Variants in OR51B5 observed in about 807,000 individuals in gnomAD.
OR51B5 encodes the protein olfactory receptor 51B5.
For synonymous variants in OR51B5, 186 were observed against 144.8 expected (o/e 1.28, Z -2.04); for missense variants, 456 against 374.6 (o/e 1.22, Z -1.79).
At chr11:5,403,691 CTGAGG>C (rs1348664367) in intron 1 of OR51B5, 1 of 362,996 alleles carries the variant, frequency 2.8e-6, no homozygotes, top group Non-Finnish European at 5.5e-6. Context: ...TGTCCATGAA[CTGAGG>C]TGAGGGTGCA....
At chr11:5,402,904 C>A in intron 1 of OR51B5, 1 of 471,282 alleles carries the variant, frequency 2.1e-6, no homozygotes, top group Middle Eastern at 3.2e-4. Flanking sequence ...TGTCTTTTTC[C>A]AGATGTTCTC....
intron 1 of OR51B5, among the ~76,000 whole-genome samples, chr11:5,397,306 C>A (rs1304451815): frequency 6.6e-6 from 1 of 152,156 alleles, no homozygotes; most frequent in Non-Finnish European, 1.5e-5. Context: ...ATCTACTCAT[C>A]TGACAAAGGG....
chr11:5,475,701 C>G (rs759457134), intron 1 of OR51B5, among the ~76,000 whole-genome samples: 10 of 152,260 alleles, frequency 6.6e-5, no homozygotes, highest in Non-Finnish European at 1.5e-4. Flanking sequence ...TTCCATGAAA[C>G]ATGACCATCT....
chr11:5,366,362 T>C (rs1849367595), intron 1 of OR51B5, among the ~76,000 whole-genome samples: 1 of 152,008 alleles, frequency 6.6e-6, no homozygotes, highest in Non-Finnish European at 1.5e-5. Flanking sequence ...ATCCCAGCAC[T>C]TTGGGTGGCT....
intron 1 of OR51B5, among the ~76,000 whole-genome samples, chr11:5,438,315 TGAA>T (rs150558346): frequency 6.7e-6 from 1 of 149,506 alleles, no homozygotes; most frequent in African/African-American, 2.5e-5. Context: ...TTCCTTATAA[TGAA>T]GAAGTTGGAG....
At chr11:5,487,532 A>G (rs1193023615) in intron 1 of OR51B5, among the ~76,000 whole-genome samples, 3 of 152,232 alleles carry the variant, frequency 2.0e-5, no homozygotes, top group African/African-American at 7.2e-5. Context: ...ATTTGTTCAA[A>G]GTCACAAATC....
chr11:5,346,634 AG>A (rs1428503461), upstream of OR51B5, among the ~76,000 whole-genome samples: 1 of 152,128 alleles, frequency 6.6e-6, no homozygotes, highest in East Asian at 1.9e-4. Flanking sequence ...AGAAGGTCTT[AG>A]GTAGTTGGTT....
intron 1 of OR51B5, among the ~76,000 whole-genome samples, chr11:5,485,759 G>C (rs1372780597): frequency 6.6e-6 from 1 of 152,134 alleles, no homozygotes; most frequent in Non-Finnish European, 1.5e-5. Context: ...TCAAGGCTTT[G>C]CTCAAATACT....
rs1261077889 is a variant in OR51B5, at chr11:5,498,029, C to T, written n.84+7540G>A. Among the ~76,000 whole-genome samples, 4 of 152,170 alleles carry T rather than the reference C, an allele frequency of 2.6e-5. No individual in the cohort carries two copies. In the East Asian group the frequency reaches 7.7e-4, roughly 29 times the overall value. ...ACTCTTAGCATGTGGTCTTCCACTC[C>T]CACCTGCCCATTATGTTTTGGGTTT... is the stretch of plus-strand genomic sequence containing the variant. On this transcript the variant is annotated intron_variant and non_coding_transcript_variant, in intron 1 of 4. Coordinates refer to the OR51B5 transcript ENST00000415970.
intron 1 of OR51B5, among the ~76,000 whole-genome samples, chr11:5,446,049 G>A (rs1355455764): frequency 1.3e-5 from 2 of 152,006 alleles, no homozygotes; most frequent in African/African-American, 2.4e-5. Context: ...GGTGGGAATT[G>A]AACAATGAGA....
intron 1 of OR51B5, among the ~76,000 whole-genome samples, chr11:5,473,290 G>A (rs1405341477): frequency 6.6e-6 from 1 of 152,158 alleles, no homozygotes; most frequent in African/African-American, 2.4e-5. Context: ...AGGGGTGTTT[G>A]ACTTTTAAGA....
upstream of OR51B5, among the ~76,000 whole-genome samples, chr11:5,344,528 G>T (rs1476389770): frequency 6.6e-6 from 1 of 152,092 alleles, no homozygotes; most frequent in Non-Finnish European, 1.5e-5. Flanking sequence ...TAAACGTGGT[G>T]CTGTCTTTTA....
chr11:5,475,491 C>T (rs568800524), intron 1 of OR51B5, among the ~76,000 whole-genome samples: 1 of 152,228 alleles, frequency 6.6e-6, no homozygotes, highest in East Asian at 1.9e-4. Flanking sequence ...TATCCACCAA[C>T]TCTTGGTGGA....
intron 1 of OR51B5, chr11:5,430,580 A>G (rs1304642832): frequency 5.2e-6 from 2 of 386,366 alleles, no homozygotes; most frequent in African/African-American, 4.2e-5. Context: ...TGCCTAATGT[A>G]GAGCTTTGCC....
intron 1 of OR51B5, among the ~76,000 whole-genome samples, chr11:5,504,323 T>C (rs1846342807): frequency 6.6e-6 from 1 of 152,254 alleles, no homozygotes; most frequent in Non-Finnish European, 1.5e-5. Flanking sequence ...TTGCAGACTT[T>C]AACACGGCTT....
At chr11:5,398,347 T>C (rs1849913463) in intron 1 of OR51B5, among the ~76,000 whole-genome samples, 1 of 152,226 alleles carries the variant, frequency 6.6e-6, no homozygotes, top group Non-Finnish European at 1.5e-5. Flanking sequence ...GAGAGGCTAA[T>C]GTAATTACCT....
intron 1 of OR51B5, among the ~76,000 whole-genome samples, chr11:5,443,723 A>G (rs927995815): frequency 1.3e-5 from 2 of 152,046 alleles, no homozygotes; most frequent in Non-Finnish European, 2.9e-5. Context: ...TCCATGGAGA[A>G]AATTCCCCAC....
intron 1 of OR51B5, among the ~76,000 whole-genome samples, chr11:5,366,438 C>T (rs1395629242): frequency 6.6e-6 from 1 of 152,064 alleles, no homozygotes; most frequent in East Asian, 1.9e-4. Flanking sequence ...GAAACCCTGT[C>T]TCTAATAAAA....
At chr11:5,350,270 TAGAA>T (rs1238206929) in intron 1 of OR51B5, among the ~76,000 whole-genome samples, 5 of 152,364 alleles carry the variant, frequency 3.3e-5, no homozygotes, top group Non-Finnish European at 5.9e-5. Context: ...TCATTATTGT[TAGAA>T]AGAGCAGAGC....
Sources: allele counts gnomAD v4.1 joint callset (sites outside exome capture counted in the v4.1 genomes callset), GRCh38; gene constraint gnomAD v4.1.1; transcripts MANE v1.5; gene names NCBI Gene and HGNC (gene_info 2026-07-23, HGNC 2026-07-21).